Variants in TSGA10 observed in about 807,000 individuals in gnomAD.
TSGA10 encodes testis specific 10, also known as testis-specific gene 10 protein.
In TSGA10, 43 loss-of-function variants were observed where a neutral mutation model predicts 96.6. That is an observed-to-expected ratio of 0.44 (90% CI 0.35 to 0.57). TSGA10 has a LOEUF of 0.57. Among genes scored for constraint, TSGA10 ranks in the 20% least tolerant of loss-of-function variants. The pLI is 0.01. For synonymous variants in TSGA10, 229 were observed against 269.9 expected, an observed-to-expected ratio of 0.85 and a Z score of 1.48; for missense variants, 703 against 834.4, an observed-to-expected ratio of 0.84 and a Z score of 1.94.
At chr2:99,108,766 A>C (rs2091563289) in intron 7 of TSGA10, 67 bp downstream of exon 7, 1 of 1,234,878 alleles carries the variant, frequency 8.1e-7, no homozygotes, top group Non-Finnish European at 1.1e-6. Context: ...CATAAAACTC[A>C]AAGAAGAATT....
chr2:99,048,687 TA>T (rs1392587729), intron 16 of TSGA10, among the ~76,000 whole-genome samples: 1 of 152,102 alleles, frequency 6.6e-6, no homozygotes, highest in African/African-American at 2.4e-5. Context: ...ACTTCATGAC[TA>T]AAACACCAAA....
At chr2:99,066,284 A>T (rs1039881158) in intron 15 of TSGA10, among the ~76,000 whole-genome samples, 4 of 152,222 alleles carry the variant, frequency 2.6e-5, no homozygotes, top group African/African-American at 9.6e-5. Context: ...CAAGATTCAG[A>T]TACTCCAACT....
rs549884168 is a variant in TSGA10 at position 99,127,043 on chromosome 2, G to A, written c.-492+5C>T. ...TCAGGAAAATATGTTGTAACTAAACGCAACCTGTAATTTCAGTGTCGAGAT... is the reference window on the plus strand; with the variant it reads ...TCAGGAAAATATGTTGTAACTAAACACAACCTGTAATTTCAGTGTCGAGAT... On this transcript the variant is annotated splice_donor_5th_base_variant and intron_variant, in intron 2 of 20. Coordinates refer to ENST00000393483, the MANE Select transcript of TSGA10 (RefSeq NM_025244.4). The A allele has an allele frequency of 2.3e-6, 3 of 1,287,496 alleles. No individual in the cohort carries two copies. The highest frequency in any genetic ancestry group is 5.6e-5 in the East Asian group (1 of 17,928). 79.8% of individuals were successfully genotyped at this position (1,287,496 alleles called of 1,614,324 possible).
chr2:99,085,760 TAA>T (rs67860649), intron 10 of TSGA10, among the ~76,000 whole-genome samples: 12 of 151,104 alleles, frequency 7.9e-5, no homozygotes, highest in Admixed American at 7.9e-4. Context: ...TAGATGAAGT[TAA>T]AAAAAATACA....
intron 10 of TSGA10, among the ~76,000 whole-genome samples, chr2:99,087,258 T>A (rs1478871891): frequency 2.0e-5 from 3 of 151,658 alleles, no homozygotes; most frequent in Non-Finnish European, 2.9e-5. Context: ...TGTAATCCCG[T>A]CACTTTGGGA....
chr2:99,046,762 C>CA (rs1293522366), intron 16 of TSGA10, among the ~76,000 whole-genome samples: 1 of 151,960 alleles, frequency 6.6e-6, no homozygotes, highest in African/African-American at 2.4e-5. Context: ...AAAAACCCTT[C>CA]AAAAAATCAA....
At chr2:99,142,582 G>GT (rs2093580105) in intron 1 of TSGA10, among the ~76,000 whole-genome samples, 1 of 151,912 alleles carries the variant, frequency 6.6e-6, no homozygotes, top group South Asian at 2.1e-4. Context: ...CATATACTTT[G>GT]TAAGTATAAT....
chr2:99,008,747 T>G (rs181763211), intron 20 of TSGA10, among the ~76,000 whole-genome samples: 1 of 152,184 alleles, frequency 6.6e-6, no homozygotes, highest in Non-Finnish European at 1.5e-5. Context: ...TGTTTGTAAT[T>G]GCAAATTATT....
chr2:99,025,560 CTTCT>C (rs926552466), intron 17 of TSGA10, among the ~76,000 whole-genome samples: 1 of 152,088 alleles, frequency 6.6e-6, no homozygotes, highest in Non-Finnish European at 1.5e-5. Flanking sequence ...AAGCTTGTGG[CTTCT>C]TTGATTCTTG....
chr2:99,040,900 C>G (rs183846675), intron 16 of TSGA10, among the ~76,000 whole-genome samples: 115 of 152,334 alleles, frequency 7.5e-4, no homozygotes, highest in Non-Finnish European at 1.3e-3. Context: ...GTTCCTTACT[C>G]TAAAGCCTCC....
chr2:99,089,539 T>C (rs375248323), intron 10 of TSGA10, among the ~76,000 whole-genome samples: 20 of 152,236 alleles, frequency 1.3e-4, no homozygotes, highest in East Asian at 5.8e-4. Context: ...GCCCACTGCC[T>C]GGAAACAAAC....
intron 2 of TSGA10, among the ~76,000 whole-genome samples, chr2:99,119,337 A>T (rs1487982793): frequency 2.6e-5 from 4 of 152,150 alleles, no homozygotes; most frequent in African/African-American, 9.7e-5. Flanking sequence ...GCTCTCAAAA[A>T]TTCTTCGAAA....
At chr2:99,027,627 CTACA>C (rs1398471434) in intron 17 of TSGA10, among the ~76,000 whole-genome samples, 1 of 151,986 alleles carries the variant, frequency 6.6e-6, no homozygotes, top group Non-Finnish European at 1.5e-5. Flanking sequence ...TCAAATCTGT[CTACA>C]TACATAGACC....
intron 20 of TSGA10, among the ~76,000 whole-genome samples, chr2:99,001,654 A>C (rs779160312): frequency 3.9e-5 from 6 of 152,242 alleles, no homozygotes; most frequent in Non-Finnish European, 5.9e-5. Flanking sequence ...TGACAGAAGT[A>C]GACTTCAGAG....
chr2:99,117,922 A>G (rs1461709840), intron 3 of TSGA10, among the ~76,000 whole-genome samples, 163 bp from the exon 4 acceptor site: 5 of 152,140 alleles, frequency 3.3e-5, no homozygotes. Context: ...TGAATGTATT[A>G]CCTATTTGAA....
At chr2:99,107,354 T>G (rs995049199) in intron 7 of TSGA10, among the ~76,000 whole-genome samples, 1 of 152,030 alleles carries the variant, frequency 6.6e-6, no homozygotes, top group Non-Finnish European at 1.5e-5. Context: ...AATTGTTAAA[T>G]AAGAAGACAG....
intron 18 of TSGA10, among the ~76,000 whole-genome samples, chr2:99,019,430 A>C (rs918359383): frequency 3.3e-5 from 5 of 152,212 alleles, no homozygotes; most frequent in Non-Finnish European, 7.3e-5. Context: ...TGAAGGAATC[A>C]TAATAGGCTA....
chr2:99,000,747 C>T (rs1339267652), intron 20 of TSGA10, among the ~76,000 whole-genome samples: 1 of 151,922 alleles, frequency 6.6e-6, no homozygotes, highest in Non-Finnish European at 1.5e-5. Context: ...ATTCCCTTTC[C>T]TAGTGCTCGG....
chr2:99,059,033 C>T (rs1473028592), intron 16 of TSGA10, among the ~76,000 whole-genome samples: 1 of 125,954 alleles, frequency 7.9e-6, no homozygotes. Context: ...GAGACTCTGT[C>T]TCAAAAAAAA....
Sources: gnomAD v4.1 joint callset for allele counts (sites outside exome capture counted in the v4.1 genomes callset) on GRCh38, gnomAD v4.1.1 for gene constraint, MANE v1.5 for transcripts, NCBI Gene and HGNC (gene_info 2026-07-23, HGNC 2026-07-21) for gene names.